Variants in NLK observed in about 807,000 individuals in gnomAD.
NLK encodes nemo like kinase, also known as serine/threonine-protein kinase NLK.
Under a neutral mutation model 59.0 loss-of-function variants are expected in NLK, and 11 were observed. The ratio of observed to expected loss-of-function variants is 0.19; its 90% CI spans 0.12 to 0.31. The LOEUF is 0.31. NLK is among the 10% of genes least tolerant of loss of function. The pLI, the probability that NLK is intolerant of heterozygous loss-of-function variation, is 1.00. For synonymous variants in NLK, 235 were observed against 235.9 expected (o/e 1.00, Z 0.03); for missense variants, 410 against 661.1 (o/e 0.62, Z 4.16).
At chr17:28,136,829 C>T (rs1265688493) in intron 3 of NLK, among the ~76,000 whole-genome samples, 1 of 151,900 alleles carries the variant, frequency 6.6e-6, no homozygotes, top group Non-Finnish European at 1.5e-5. Context: ...TCTTGAACTC[C>T]TGACCACAGG....
intron 7 of NLK, among the ~76,000 whole-genome samples, chr17:28,175,407 C>T (rs889901104): frequency 1.3e-5 from 2 of 151,380 alleles, no homozygotes; most frequent in African/African-American, 2.4e-5. Context: ...GCCGAGATCA[C>T]GCCACTGCAC....
intron 1 of NLK, among the ~76,000 whole-genome samples, chr17:28,110,504 A>G (rs971834149): frequency 2.0e-5 from 3 of 150,356 alleles, no homozygotes; most frequent in Admixed American, 1.3e-4. Flanking sequence ...TTTTTTTACA[A>G]CTTTTTGGAT....
intron 3 of NLK, among the ~76,000 whole-genome samples, chr17:28,158,782 G>A (rs1035382508): frequency 6.6e-5 from 10 of 152,078 alleles, no homozygotes; most frequent in African/African-American, 2.4e-4. Context: ...ACAGGCACAA[G>A]CCACCACACC....
chr17:28,083,906 G>C (rs1335831797), intron 1 of NLK, among the ~76,000 whole-genome samples: 1 of 152,114 alleles, frequency 6.6e-6, no homozygotes, highest in Non-Finnish European at 1.5e-5. Flanking sequence ...AAGTTATGTT[G>C]AGTAGTCCTC....
At chr17:28,110,061 A>G (rs989767657) in intron 1 of NLK, among the ~76,000 whole-genome samples, 1 of 152,220 alleles carries the variant, frequency 6.6e-6, no homozygotes, top group Admixed American at 6.5e-5. Flanking sequence ...GTGTTCCCTT[A>G]TTTAAATCTT....
At chr17:28,073,815 A>G (rs1003355240) in intron 1 of NLK, among the ~76,000 whole-genome samples, 8 of 152,134 alleles carry the variant, frequency 5.3e-5, no homozygotes, top group Non-Finnish European at 1.2e-4. Flanking sequence ...GTTTGTTTCT[A>G]TACTTCTTTA....
intron 1 of NLK, among the ~76,000 whole-genome samples, chr17:28,081,010 C>T (rs560751351): frequency 1.8e-4 from 27 of 151,874 alleles, no homozygotes; most frequent in Non-Finnish European, 3.2e-4. Context: ...CCACTTCAGC[C>T]TCCTGAGCAG....
intron 1 of NLK, among the ~76,000 whole-genome samples, chr17:28,064,071 G>T (rs1314288182): frequency 6.6e-6 from 1 of 151,778 alleles, no homozygotes; most frequent in Non-Finnish European, 1.5e-5. Flanking sequence ...AACATAGTAG[G>T]CTTATCAAAT....
intron 3 of NLK, among the ~76,000 whole-genome samples, chr17:28,145,613 T>G (rs1226932834): frequency 6.6e-6 from 1 of 152,316 alleles, no homozygotes; most frequent in Non-Finnish European, 1.5e-5. Flanking sequence ...TGAGACCACA[T>G]TAATAAAAAG....
chr17:28,108,176 A>T (rs1905280221), intron 1 of NLK, among the ~76,000 whole-genome samples: 1 of 152,158 alleles, frequency 6.6e-6, no homozygotes, highest in Admixed American at 6.5e-5. Context: ...TGTAGCCGAG[A>T]TCACATCACT....
chr17:28,130,754 G>A (rs1906483163), intron 2 of NLK, among the ~76,000 whole-genome samples: 1 of 152,262 alleles, frequency 6.6e-6, no homozygotes, highest in Non-Finnish European at 1.5e-5. Context: ...AAGATGTCAA[G>A]TAAAACACTA....
At chr17:28,126,902 CAT>C (rs1315160963) in intron 2 of NLK, among the ~76,000 whole-genome samples, 2 of 152,158 alleles carry the variant, frequency 1.3e-5, no homozygotes, top group Non-Finnish European at 2.9e-5. Flanking sequence ...GCATAGTTGT[CAT>C]ATGATCAGCA....
At chr17:28,116,375 G>T in intron 1 of NLK, 1 of 197,244 alleles carries the variant, frequency 5.1e-6, no homozygotes, top group South Asian at 1.0e-4. Context: ...GAATTTTCAT[G>T]GGTGGCTCTA....
the NLK span, among the ~76,000 whole-genome samples, chr17:28,203,243 CA>C: frequency 6.6e-6 from 1 of 150,686 alleles, no homozygotes; most frequent in Non-Finnish European, 1.5e-5. Context: ...CTCCTGGCCA[CA>C]AGTGATCCAC....
chr17:28,117,703 A>G (rs545559733), intron 1 of NLK, among the ~76,000 whole-genome samples: 1 of 152,162 alleles, frequency 6.6e-6, no homozygotes, highest in Non-Finnish European at 1.5e-5. Context: ...AAATTTGGGA[A>G]TCATTTTATA....
intron 1 of NLK, among the ~76,000 whole-genome samples, chr17:28,051,362 G>C (rs1909248921): frequency 6.6e-6 from 1 of 150,904 alleles, no homozygotes. Flanking sequence ...CCTTGGGAAG[G>C]ATTTTTTTTT....
intron 1 of NLK, among the ~76,000 whole-genome samples, chr17:28,079,694 T>G (rs1329077660): frequency 1.3e-5 from 2 of 152,194 alleles, no homozygotes; most frequent in East Asian, 3.9e-4. Context: ...ATTTTGTTGT[T>G]GTTGAGTTGT....
intron 3 of NLK, 61 bp from the exon 4 acceptor site, chr17:28,161,099 C>A: frequency 1.1e-6 from 1 of 879,174 alleles, no homozygotes; most frequent in South Asian, 1.4e-5. Flanking sequence ...TAGATCTGGT[C>A]ACCACTTTGA....
intron 3 of NLK, among the ~76,000 whole-genome samples, chr17:28,148,380 A>G (rs959720697): frequency 6.6e-6 from 1 of 152,160 alleles, no homozygotes; most frequent in Non-Finnish European, 1.5e-5. Flanking sequence ...ATATGAATCT[A>G]TTTAAGCATA....
Sources: gnomAD v4.1 joint callset for allele counts (sites outside exome capture counted in the v4.1 genomes callset) on GRCh38, gnomAD v4.1.1 for gene constraint, MANE v1.5 for transcripts, NCBI Gene and HGNC (gene_info 2026-07-23, HGNC 2026-07-21) for gene names.